The following DCP1B variants were observed in gnomAD, a reference collection of about 807,000 sequenced individuals.
DCP1B encodes mRNA-decapping enzyme 1B.
In DCP1B, 47 loss-of-function variants were observed where a neutral mutation model predicts 60.5. The ratio of observed to expected loss-of-function variants is 0.78; its 90% CI spans 0.61 to 0.99. DCP1B has a LOEUF of 0.99. DCP1B is among the 50% of genes least tolerant of loss of function. The pLI is 0.00. For synonymous variants in DCP1B, 267 were observed against 280.3 expected (o/e 0.95, Z 0.47); for missense variants, 725 against 756.8 (o/e 0.96, Z 0.49).
At chr12:1,947,883 G>C (rs2030496346) in intron 8 of DCP1B, among the ~76,000 whole-genome samples, 1 of 152,082 alleles carries the variant, frequency 6.6e-6, no homozygotes, top group African/African-American at 2.4e-5. Context: ...GGCTGGTCTT[G>C]AACTCCTGGC....
intron 1 of DCP1B, among the ~76,000 whole-genome samples, 160 bp from the exon 2 acceptor site, chr12:1,998,135 T>C (rs11062055): frequency 0.15 from 23,097 of 152,270 alleles, 1,872 homozygotes; most frequent in East Asian, 0.21. Context: ...GCAAGTTCTA[T>C]GTCATCATTG....
chr12:1,963,337 T>C (rs1387248832), intron 5 of DCP1B, among the ~76,000 whole-genome samples: 1 of 152,222 alleles, frequency 6.6e-6, no homozygotes, highest in African/African-American at 2.4e-5. Context: ...ACGTACTAGC[T>C]GGAATTCTCT....
At chr12:2,003,982 A>T (rs1319292476) in intron 1 of DCP1B, among the ~76,000 whole-genome samples, 1 of 152,044 alleles carries the variant, frequency 6.6e-6, no homozygotes, top group Non-Finnish European at 1.5e-5. Context: ...GCCATAAGGT[A>T]TCAGGTCCTT....
chr12:1,941,752 G>A (rs1412998469), downstream of DCP1B, among the ~76,000 whole-genome samples: 1 of 152,072 alleles, frequency 6.6e-6, no homozygotes, highest in East Asian at 1.9e-4. Context: ...AGGCCCCTCT[G>A]CTGCAGGTCT....
At chr12:1,968,358 A>C (rs1174859789) in intron 3 of DCP1B, among the ~76,000 whole-genome samples, 2 of 151,932 alleles carry the variant, frequency 1.3e-5, no homozygotes, top group African/African-American at 2.4e-5. Context: ...GTCTCAAAAA[A>C]AAAAAAAAAA....
Position 1,952,418 on chromosome 12 carries a change from G to A in DCP1B, c.1522C>T (p.Gln508Ter), listed in dbSNP as rs749812051. Residue 508 changes from glutamine to a stop codon, truncating the protein, a stop_gained and splice_region_variant, in exon 7 of 9, where the codon CAG (glutamine) becomes TAG (stop). Transcript: ENST00000280665. LOFTEE classifies it high-confidence loss of function. ...TTTTGCCCCTGGTACATATTTACCT[G>A]GAAAAGAGGAGTCTGCTGTTCTGTG... ...PNTEQQTPLF[Q>*]VISPQRIPAT... The A allele has an allele frequency of 1.5e-5, 23 of 1,570,412 alleles. No individual in the cohort carries two copies. The highest frequency in any genetic ancestry group is 1.8e-5 in the Non-Finnish European group (21 of 1,155,640).
chr12:1,996,631 AAAAAAAAAAAAAAAAAAAAAAAAAC>A (rs1355561477), intron 2 of DCP1B, among the ~76,000 whole-genome samples: 1 of 107,822 alleles, frequency 9.3e-6, no homozygotes, highest in African/African-American at 3.9e-5. Context: ...AAAAAAAAAA[AAAAAAAAAAAAAAAAAAAAAAAAAC>A]AACAAACTCT....
chr12:1,990,998 A>G, intron 3 of DCP1B: 1 of 382,604 alleles, frequency 2.6e-6, no homozygotes, highest in Non-Finnish European at 5.1e-6. Context: ...AAAAAAAAAA[A>G]GGCAAAATGA....
At chr12:1,980,801 T>C (rs957082299) in intron 3 of DCP1B, among the ~76,000 whole-genome samples, 1 of 151,908 alleles carries the variant, frequency 6.6e-6, no homozygotes, top group Admixed American at 6.6e-5. Context: ...CACACGGCCA[T>C]GGTTTAACAG....
At chr12:1,993,506 TA>T in intron 2 of DCP1B, 115 bp from the exon 3 acceptor site, 1 of 1,294,868 alleles carries the variant, frequency 7.7e-7, no homozygotes, top group African/African-American at 1.5e-5. Context: ...TATGCAGCTT[TA>T]TATAAGCAGC....
At chr12:1,952,116 A>G (rs556895505) in intron 7 of DCP1B, among the ~76,000 whole-genome samples, 1 of 152,388 alleles carries the variant, frequency 6.6e-6, no homozygotes, top group South Asian at 2.1e-4. Context: ...ATTGGTCCCT[A>G]GAGCATGGAA....
chr12:1,953,113 T>A lies in DCP1B; in HGVS notation c.827A>T (p.Tyr276Phe). 1 of 1,614,082 alleles carries A rather than the reference T, an allele frequency of 6.2e-7. No homozygotes were observed. The highest frequency in any genetic ancestry group is 2.2e-5 in the East Asian group (1 of 44,870). Residue 276 changes from tyrosine to phenylalanine, a missense_variant, in exon 7 of 9, where the codon TAT becomes TTT. Tyr to Phe is a conservative substitution (Grantham distance 22). Coordinates refer to ENST00000280665, the MANE Select transcript of DCP1B (RefSeq NM_152640.5). ...IRQGVVRSLS[Y>F]EEPRRHSPPI... ...GGGTGAGTGTCTTCTGGGTTCCTCATAGGACAGGGAGCGTACAACCCCCTG... is the reference window on the plus strand; with the variant it reads ...GGGTGAGTGTCTTCTGGGTTCCTCAAAGGACAGGGAGCGTACAACCCCCTG...
chr12:1,981,897 G>C (rs2036246139), intron 3 of DCP1B, among the ~76,000 whole-genome samples: 1 of 152,178 alleles, frequency 6.6e-6, no homozygotes, highest in Admixed American at 6.5e-5. Context: ...AAGCATGCAG[G>C]TAAGAGTGTT....
chr12:1,988,404 C>A (rs2038409307), intron 3 of DCP1B, among the ~76,000 whole-genome samples: 1 of 152,136 alleles, frequency 6.6e-6, no homozygotes, highest in Non-Finnish European at 1.5e-5. Flanking sequence ...CTGGCCAAAG[C>A]AATTAGTATA....
At chr12:1,993,537 CCACTGG>C (rs1422958179) in intron 2 of DCP1B, 146 bp from the exon 3 acceptor site, 1 of 924,238 alleles carries the variant, frequency 1.1e-6, no homozygotes, top group Non-Finnish European at 1.6e-6. Context: ...TACTTCTTCA[CCACTGG>C]CATCATTATG....
chr12:1,953,169 C>T lies in DCP1B; in HGVS notation c.771G>A (p.Gln257=). 6.2e-7 allele frequency: 1 copy of T among 1,609,868 alleles called. No homozygotes were observed. The highest frequency in any genetic ancestry group is 8.5e-7 in the Non-Finnish European group (1 of 1,177,564). ...TTGGAAGCTTCTCTTGCTGCTGCTG[C>T]TGCTGCTGCTGCTGCTGGTGGAGAG... The part of the protein sequence containing the change: ...PQTLHQQQQQ[Q]QQQQEKLPIR... Residue 257 remains glutamine, a synonymous_variant, in exon 7 of 9, where the codon CAG becomes CAA. Transcript: ENST00000280665.
intron 3 of DCP1B, among the ~76,000 whole-genome samples, chr12:1,975,097 C>G (rs1377597538): frequency 6.6e-6 from 1 of 152,120 alleles, no homozygotes; most frequent in African/African-American, 2.4e-5. Flanking sequence ...GAGCCTAGTG[C>G]TACTTCCTGA....
At chr12:1,943,267 T>C (rs187145003), downstream of DCP1B, among the ~76,000 whole-genome samples, 39 of 152,322 alleles carry the variant, frequency 2.6e-4, no homozygotes, top group Middle Eastern at 6.8e-3. Context: ...AAGCCCTGAA[T>C]AGGCCAATAA....
chr12:1,984,831 A>G (rs1477296820), intron 3 of DCP1B, among the ~76,000 whole-genome samples: 1 of 147,200 alleles, frequency 6.8e-6, no homozygotes, highest in Non-Finnish European at 1.5e-5. Context: ...TTATCAGAGT[A>G]TATGTCTTTA....
Sources: gnomAD v4.1 joint callset for allele counts (sites outside exome capture counted in the v4.1 genomes callset) on GRCh38, gnomAD v4.1.1 for gene constraint, MANE v1.5 for transcripts, NCBI Gene and HGNC (gene_info 2026-07-23, HGNC 2026-07-21) for gene names.